Variants in PPP2R2B observed in about 807,000 individuals in gnomAD.
PPP2R2B encodes the protein protein phosphatase 2 regulatory subunit Bbeta, also known as serine/threonine-protein phosphatase 2A 55 kDa regulatory subunit B beta isoform.
Under a neutral mutation model 46.0 loss-of-function variants are expected in PPP2R2B, and 5 were observed. The observed-to-expected ratio is 0.11, with a 90% CI of 0.06 to 0.23. The LOEUF is 0.23. Among genes scored for constraint, PPP2R2B ranks in the 10% least tolerant of loss-of-function variants. The probability of loss-of-function intolerance (pLI) is 1.00; values close to 1 mark genes in which losing one functional copy is unlikely to be tolerated. For missense variants in PPP2R2B, 367 were observed against 575.0 expected (o/e 0.64, Z 3.70); for synonymous variants, 215 against 206.7 (o/e 1.04, Z -0.34).
chr5:146,866,580 G>T (rs1228180941), intron 2 of PPP2R2B, among the ~76,000 whole-genome samples: 2 of 152,072 alleles, frequency 1.3e-5, no homozygotes, highest in African/African-American at 2.4e-5. Context: ...ACTTTTGAGG[G>T]TTGTGGTGAA....
At chr5:146,697,855 C>A (rs1779271359) in intron 4 of PPP2R2B, 124 bp downstream of exon 4, 2 of 929,770 alleles carry the variant, frequency 2.2e-6, no homozygotes, top group Non-Finnish European at 1.6e-6. Flanking sequence ...AAGCATCTTG[C>A]AAATGTTATT....
intron 2 of PPP2R2B, among the ~76,000 whole-genome samples, chr5:146,868,553 G>A (rs2151405398): frequency 6.6e-6 from 1 of 152,242 alleles, no homozygotes; most frequent in Non-Finnish European, 1.5e-5. Context: ...CATTATAGTA[G>A]CTTAGGAAAC....
In PPP2R2B at chr5:146,670,264, G is replaced by T. The variant is rs1323581256; in HGVS notation, c.448-19540C>A. Among the ~76,000 whole-genome samples the T allele has an allele frequency of 1.6e-4, 24 of 151,884 alleles. 1 individual carries two copies. The highest frequency in any genetic ancestry group is 1.6e-3 in the Admixed American group (24 of 15,228). On this transcript the variant is annotated intron_variant, in intron 5 of 9. Coordinates refer to ENST00000394411, the MANE Select transcript of PPP2R2B (RefSeq NM_181675.4). Reference sequence around the variant, plus strand: ...TTCTCATTCAGAGATTCCTAAACTGGCTTTTAAAAAAATCAGAATCACCTG... The same window carrying T: ...TTCTCATTCAGAGATTCCTAAACTGTCTTTTAAAAAAATCAGAATCACCTG...
intron 2 of PPP2R2B, among the ~76,000 whole-genome samples, chr5:146,732,080 C>A (rs565375790): frequency 6.6e-6 from 1 of 152,208 alleles, no homozygotes; most frequent in East Asian, 1.9e-4. Context: ...ACTCAGGCCT[C>A]CTGGAAAAGT....
At chr5:146,822,535 G>T (rs10069103) in intron 2 of PPP2R2B, among the ~76,000 whole-genome samples, 19,937 of 125,048 alleles carry the variant, frequency 0.16, 1,798 homozygotes, top group East Asian at 0.45. Context: ...TTCATTTTTG[G>T]TTTTTTTTTT....
At chr5:146,935,994 G>A (rs1764127164) in intron 1 of PPP2R2B, among the ~76,000 whole-genome samples, 2 of 152,118 alleles carry the variant, frequency 1.3e-5, no homozygotes, top group African/African-American at 4.8e-5. Context: ...ATTAAATGAT[G>A]GAGCATATTT....
chr5:146,674,569 C>G lies in PPP2R2B; in HGVS notation c.447+16559G>C, dbSNP rs900212720. 2.0e-5 allele frequency among the ~76,000 whole-genome samples: 3 copies of G among 152,120 alleles called. No individual in the cohort carries two copies. The East Asian group carries it at 5.8e-4, about 29-fold the overall frequency. The stretch of plus-strand genomic sequence containing the variant: ...CTGTTCATATATTTCCCTTCTGGTC[C>G]TAAGGAATGTAATTGACAGCTCATA... On this transcript the variant is annotated intron_variant, in intron 5 of 9. Transcript: ENST00000394411.
intron 5 of PPP2R2B, among the ~76,000 whole-genome samples, chr5:146,667,371 C>A (rs1462487370): frequency 1.3e-5 from 2 of 149,360 alleles, no homozygotes; most frequent in Non-Finnish European, 3.0e-5. Context: ...CACACACACA[C>A]AAAGGAGATA....
intron 7 of PPP2R2B, among the ~76,000 whole-genome samples, chr5:146,625,240 CTTGTGG>C (rs1283850589): frequency 1.3e-5 from 2 of 152,120 alleles, no homozygotes; most frequent in Non-Finnish European, 2.9e-5. Flanking sequence ...CATTTTCCCA[CTTGTGG>C]TGCCTAGGAA....
intron 1 of PPP2R2B, among the ~76,000 whole-genome samples, chr5:146,973,470 C>T (rs1357166942): frequency 6.6e-6 from 1 of 152,210 alleles, no homozygotes; most frequent in Non-Finnish European, 1.5e-5. Flanking sequence ...AGCCGAAGGG[C>T]AGCGTGGCCC....
chr5:146,978,408 C>T (rs951829141), intron 1 of PPP2R2B, among the ~76,000 whole-genome samples: 6 of 152,096 alleles, frequency 3.9e-5, no homozygotes, highest in African/African-American at 1.4e-4. Context: ...GCTTTTTTGC[C>T]ATTAGTTTTG....
intron 5 of PPP2R2B, among the ~76,000 whole-genome samples, chr5:146,680,761 A>G (rs392428): frequency 0.24 from 36,951 of 152,096 alleles, 6,571 homozygotes; most frequent in African/African-American, 0.5. Context: ...TCTGATCACA[A>G]CAACAAATTA....
intron 1 of PPP2R2B, among the ~76,000 whole-genome samples, chr5:146,985,763 A>G (rs1753399848): frequency 6.6e-6 from 1 of 152,216 alleles, no homozygotes; most frequent in South Asian, 2.1e-4. Context: ...ATTTAAATAG[A>G]AAAAGAAGAA....
intron 2 of PPP2R2B, among the ~76,000 whole-genome samples, chr5:146,799,245 C>A (rs146562302): frequency 1.6e-3 from 241 of 152,252 alleles, no homozygotes; most frequent in African/African-American, 5.6e-3. Context: ...TTGCACTAGC[C>A]TAATTTAAAT....
intron 5 of PPP2R2B, among the ~76,000 whole-genome samples, chr5:146,660,148 G>T (rs1776584622): frequency 6.6e-6 from 1 of 152,120 alleles, no homozygotes; most frequent in African/African-American, 2.4e-5. Context: ...AAAGCAACCT[G>T]GGGGGCAGAG....
chr5:146,729,486 A>T lies in PPP2R2B; in HGVS notation c.71-28344T>A, dbSNP rs143557376. On this transcript the variant is annotated intron_variant, in intron 2 of 9. Coordinates refer to ENST00000394411, the MANE Select transcript of PPP2R2B (RefSeq NM_181675.4). ...AGCAGGAGCCTAATGTTAATCCCCA[A>T]GACCATGGGGAAAATGTCTCCAGGC... Among the ~76,000 whole-genome samples the T allele has an allele frequency of 1.4e-3, 212 of 152,362 alleles. 5 individuals carry two copies. The East Asian group carries it at 0.033, about 23-fold the overall frequency.
intron 6 of PPP2R2B, among the ~76,000 whole-genome samples, chr5:146,643,375 G>A (rs1340211483): frequency 6.6e-6 from 1 of 152,172 alleles, no homozygotes; most frequent in East Asian, 1.9e-4. Context: ...GTAGGGAACA[G>A]TCAATAAACA....
chr5:147,031,707 C>A (rs1755794493), intron 1 of PPP2R2B, among the ~76,000 whole-genome samples: 1 of 151,964 alleles, frequency 6.6e-6, no homozygotes, highest in Non-Finnish European at 1.5e-5. Flanking sequence ...GCACATAGAC[C>A]AATGGAAAAG....
intron 5 of PPP2R2B, among the ~76,000 whole-genome samples, chr5:146,677,103 T>C (rs966705558): frequency 1.3e-5 from 2 of 152,228 alleles, no homozygotes; most frequent in Admixed American, 1.3e-4. Context: ...AGGATGCTTT[T>C]CTTAGATGCT....
Sources: allele counts gnomAD v4.1 joint callset (sites outside exome capture counted in the v4.1 genomes callset), GRCh38; gene constraint gnomAD v4.1.1; transcripts MANE v1.5; gene names NCBI Gene and HGNC (gene_info 2026-07-23, HGNC 2026-07-21).